THTPA: variants seen among roughly 807,000 people sequenced by gnomAD.
The protein encoded by THTPA is thiamine triphosphatase.
A neutral mutation model predicts 16.5 loss-of-function variants in THTPA; 16 were observed. The ratio of observed to expected loss-of-function variants is 0.97; its 90% CI spans 0.66 to 1.47. The LOEUF is 1.47. THTPA is among the 40% of genes most tolerant of loss of function. The pLI is 0.00. For missense variants in THTPA, 281 were observed against 280.9 expected (o/e 1.00, Z 0.00); for synonymous variants, 110 against 115.5 (o/e 0.95, Z 0.30).
Position 23,559,020 on chromosome 14 carries a change from G to A in THTPA, c.*180G>A, listed in dbSNP as rs1015964492. On this transcript the variant is annotated 3_prime_UTR_variant, in exon 2 of 2. Coordinates refer to ENST00000288014, the MANE Select transcript of THTPA (RefSeq NM_024328.6). ...GAGCCCTCCCTGGCTGCTTCCTCTC[G>A]CTCATCCGTCAGATGCAATCTGTGG... is the stretch of plus-strand genomic sequence containing the variant. The A allele has an allele frequency of 1.3e-5, 9 of 717,900 alleles. No homozygotes were observed. Among genetic ancestry groups the A allele is most frequent in the East Asian group, 5.6e-5 (2 of 35,708 alleles). The allele number at this position is 717,900 out of a possible 1,614,324, so 44.5% of individuals were successfully genotyped here. A position where few individuals can be genotyped will look rare whatever the true frequency, so the allele number is the denominator to read the frequency against.
chr14:23,556,690 G>GGAGC lies in THTPA; in HGVS notation c.-67_-64dup. 1 of 1,525,080 alleles carries GGAGC rather than the reference G, an allele frequency of 6.6e-7. No individual in the cohort carries two copies. Among genetic ancestry groups the GGAGC allele is most frequent in the African/African-American group, 1.4e-5 (1 of 73,100 alleles). The allele number at this position is 1,525,080 out of a possible 1,614,324, so 94.5% of individuals were successfully genotyped here. A position where few individuals can be genotyped will look rare whatever the true frequency, so the allele number is the denominator to read the frequency against. Reference sequence around the variant, plus strand: ...GGTTCTGTACTGAGTTGACGCCCCAGGAGCTGAGCACCAGGCTTTGCATCC... The same window carrying GGAGC: ...GGTTCTGTACTGAGTTGACGCCCCAGGAGCGAGCTGAGCACCAGGCTTTGCATCC... On this transcript the variant is annotated 5_prime_UTR_variant, in exon 1 of 2. Transcript: ENST00000288014.
chr14:23,549,167 T>G, the THTPA span, among the ~76,000 whole-genome samples: 19 of 152,216 alleles, frequency 1.2e-4, no homozygotes, highest in Non-Finnish European at 2.5e-4. Flanking sequence ...TGTATTGCTA[T>G]CAACACGTTT....
chr14:23,552,104 T>C (rs1032395784), upstream of THTPA, among the ~76,000 whole-genome samples: 5 of 152,082 alleles, frequency 3.3e-5, no homozygotes, highest in East Asian at 9.7e-4. Flanking sequence ...TCCTGCCTTA[T>C]TATTCCGCCT....
the THTPA span, among the ~76,000 whole-genome samples, chr14:23,547,214 C>T: frequency 6.6e-6 from 1 of 152,226 alleles, no homozygotes; most frequent in African/African-American, 2.4e-5. Context: ...AAGATCTGGG[C>T]AGCAGTAACT....
At chr14:23,526,754 C>T in the THTPA span, 1 of 1,532,084 alleles carries the variant, frequency 6.5e-7, no homozygotes, top group Non-Finnish European at 8.7e-7. Flanking sequence ...AATACCAAGG[C>T]AGTTGACCTT....
chr14:23,522,314 C>T, the THTPA span: 1 of 1,524,758 alleles, frequency 6.6e-7, no homozygotes, highest in South Asian at 1.2e-5. Context: ...TGCCATCTTG[C>T]ACTGGCGGCA....
At chr14:23,524,320 A>G in the THTPA span, 1 of 1,536,290 alleles carries the variant, frequency 6.5e-7, no homozygotes, top group South Asian at 1.2e-5. This position sits in a 1 kb window ranked among gnomAD's most constrained non-coding sequence, Gnocchi z 5.6. Context: ...GCATGTACCA[A>G]CGGTACAGGA....
chr14:23,526,525 G>C, the THTPA span: 47 of 1,535,912 alleles, frequency 3.1e-5, no homozygotes, highest in South Asian at 5.4e-4. Context: ...GAGGAGCTAC[G>C]TCTTCAGCTT....
chr14:23,551,924 G>T (rs1254604778), upstream of THTPA, among the ~76,000 whole-genome samples: 1 of 152,194 alleles, frequency 6.6e-6, no homozygotes, highest in Admixed American at 6.5e-5. This position sits in a 1 kb window ranked among gnomAD's most constrained non-coding sequence, Gnocchi z 5.3. Flanking sequence ...TCGCCTCCAG[G>T]TTCAAGCCGG....
At chr14:23,532,744 C>G in the THTPA span, 5 of 1,536,116 alleles carry the variant, frequency 3.3e-6, no homozygotes, top group East Asian at 7.3e-5. Context: ...CTCCACCCCC[C>G]TCCCGCAGGT....
the THTPA span, chr14:23,533,608 A>G: frequency 6.5e-7 from 1 of 1,536,794 alleles, no homozygotes; most frequent in Non-Finnish European, 8.7e-7. The surrounding 1 kb of genome is among the most constrained non-coding windows in gnomAD (Gnocchi z 4.8). Context: ...GTAGCTGCAC[A>G]CCTTGCACTG....
At chr14:23,528,222 T>A in the THTPA span, among the ~76,000 whole-genome samples, 4 of 152,182 alleles carry the variant, frequency 2.6e-5, no homozygotes, top group African/African-American at 9.7e-5. Context: ...CACTCCTAAT[T>A]GAAGAGGAAC....
At chr14:23,529,477 A>G in the THTPA span, 1 of 533,892 alleles carries the variant, frequency 1.9e-6, no homozygotes, top group African/African-American at 1.9e-5. Flanking sequence ...CTTTCCCTCA[A>G]GTTCCTGCTG....
chr14:23,551,196 C>T (rs1374028281), upstream of THTPA: 3 of 152,916 alleles, frequency 2.0e-5, no homozygotes, highest in African/African-American at 7.2e-5. This position sits in a 1 kb window ranked among gnomAD's most constrained non-coding sequence, Gnocchi z 5.3. Flanking sequence ...CCCCCAGCCC[C>T]TTCCCGTCCC....
chr14:23,526,019 T>C, the THTPA span: 1 of 1,535,348 alleles, frequency 6.5e-7, no homozygotes, highest in Non-Finnish European at 8.7e-7. Flanking sequence ...AGGGCCCTTC[T>C]TCTCAGTGCC....
upstream of THTPA, among the ~76,000 whole-genome samples, chr14:23,553,347 C>T (rs1382078157): frequency 1.3e-5 from 2 of 152,200 alleles, no homozygotes; most frequent in Non-Finnish European, 2.9e-5. Flanking sequence ...CTCCTGTAAT[C>T]CCAGCACTTT....
the THTPA span, chr14:23,534,157 T>C: frequency 6.8e-7 from 1 of 1,473,266 alleles, no homozygotes; most frequent in Admixed American, 2.3e-5. This position sits in a 1 kb window ranked among gnomAD's most constrained non-coding sequence, Gnocchi z 4.5. Context: ...TGAGCTTTGG[T>C]TGAGTGGGGG....
chr14:23,556,593 T>G lies in THTPA; in HGVS notation c.-165T>G. 1 of 695,134 alleles carries G rather than the reference T, an allele frequency of 1.4e-6. No homozygotes were observed. Among genetic ancestry groups the G allele is most frequent in the Non-Finnish European group, 2.3e-6 (1 of 427,620 alleles). 43.1% of individuals were successfully genotyped at this position (695,134 alleles called of 1,614,324 possible). A position where few individuals can be genotyped will look rare whatever the true frequency, so the allele number is the denominator to read the frequency against. On this transcript the variant is annotated 5_prime_UTR_variant, in exon 1 of 2. The change abolishes the stop of an existing upstream ORF in the 5' untranslated region. Transcript: ENST00000288014. ...CGACGGGGCCTTAATGTCACCGAGG[T>G]AGAGAGAAAAGGGCAGTAGCCCTAG... is the stretch of plus-strand genomic sequence containing the variant.
the THTPA span, chr14:23,534,148 G>C: frequency 6.8e-7 from 1 of 1,473,382 alleles, no homozygotes; most frequent in South Asian, 1.4e-5. This position sits in a 1 kb window ranked among gnomAD's most constrained non-coding sequence, Gnocchi z 4.5. Flanking sequence ...GGAGGTGGGT[G>C]AGCTTTGGTT....
Sources: allele counts gnomAD v4.1 joint callset (sites outside exome capture counted in the v4.1 genomes callset), GRCh38; gene constraint gnomAD v4.1.1; non-coding constraint Gnocchi (gnomAD v3.1); transcripts MANE v1.5; gene names NCBI Gene and HGNC (gene_info 2026-07-23, HGNC 2026-07-21).